The following ZNF729 variants were observed in gnomAD, a reference collection of about 807,000 sequenced individuals.
The protein encoded by ZNF729 is zinc finger protein 729.
A neutral mutation model predicts 12.2 loss-of-function variants in ZNF729; 15 were observed. The ratio of observed to expected loss-of-function variants is 1.23; its 90% CI spans 0.82 to 1.89. The LOEUF is 1.89. Among genes scored for constraint, ZNF729 ranks in the 40% most tolerant of loss-of-function variants. ZNF729 has a pLI of 0.00. For missense variants in ZNF729, 1,540 were observed against 1,456.7 expected (o/e 1.06, Z -0.93); for synonymous variants, 492 against 476.3 (o/e 1.03, Z -0.43).
Position 22,314,833 on chromosome 19 carries a change from C to T in ZNF729, c.1416C>T (p.Ser472=). 3 of 1,612,676 alleles carry T rather than the reference C, an allele frequency of 1.9e-6. No individual in the cohort carries two copies. Among genetic ancestry groups the T allele is most frequent in the Non-Finnish European group, 2.5e-6 (3 of 1,179,702 alleles). Residue 472 remains serine, a synonymous_variant, in exon 4 of 4, where the codon TCC becomes TCT. Transcript: ENST00000601693. ...AATGTGGCAAAGCTTTTAGGCAATC[C>T]TCACACCTTACTAGACATAAAGCAA... ...CEECGKAFRQ[S]SHLTRHKAIH...
chr19:22,296,184 A>C (rs1410164857), intron 1 of ZNF729, among the ~76,000 whole-genome samples: 1 of 152,148 alleles, frequency 6.6e-6, no homozygotes, highest in Non-Finnish European at 1.5e-5. Context: ...ATTTTGGAAT[A>C]GTTTTAGTAG....
intron 1 of ZNF729, among the ~76,000 whole-genome samples, chr19:22,292,661 G>C (rs1968171014): frequency 6.6e-6 from 1 of 151,952 alleles, no homozygotes; most frequent in African/African-American, 2.4e-5. Context: ...GGCCTGTCTT[G>C]AACTCCTGAG....
At chr19:22,308,242 A>C (rs1968409311) in intron 3 of ZNF729, among the ~76,000 whole-genome samples, 1 of 152,036 alleles carries the variant, frequency 6.6e-6, no homozygotes, top group Non-Finnish European at 1.5e-5. Flanking sequence ...ATATAATCTC[A>C]CAGTTTCTTT....
At chr19:22,300,949 A>G (rs1665263215) in intron 1 of ZNF729, among the ~76,000 whole-genome samples, 1 of 152,208 alleles carries the variant, frequency 6.6e-6, no homozygotes, top group African/African-American at 2.4e-5. Context: ...GAGAAAAAAG[A>G]AAAACTTTCT....
chr19:22,297,464 G>A (rs933193195), intron 1 of ZNF729, among the ~76,000 whole-genome samples: 1 of 151,546 alleles, frequency 6.6e-6, no homozygotes, highest in Non-Finnish European at 1.5e-5. Context: ...TCTCCTATAG[G>A]AAAATAAGAA....
At chr19:22,309,223 G>A (rs1968421115) in intron 3 of ZNF729, among the ~76,000 whole-genome samples, 1 of 152,092 alleles carries the variant, frequency 6.6e-6, no homozygotes. Context: ...GACATAGGTG[G>A]ATCACGAGGT....
In ZNF729 at chr19:22,314,667, C is replaced by G; in HGVS notation, c.1250C>G (p.Ser417Ter). ...EECGKAFSQF[S>*]TLKKHKIIHT... ...TGTGGCAAAGCTTTTAGCCAGTTCTCAACCCTTAAAAAACATAAGATAATT... is the reference window on the plus strand; with the variant it reads ...TGTGGCAAAGCTTTTAGCCAGTTCTGAACCCTTAAAAAACATAAGATAATT... Residue 417 changes from serine to a stop codon, truncating the protein, a stop_gained, in exon 4 of 4, where the codon TCA becomes TGA. Coordinates refer to ENST00000601693, the MANE Select transcript of ZNF729 (RefSeq NM_001242680.2). LOFTEE classifies it low-confidence loss of function (END_TRUNC). 1 of 1,612,666 alleles carries G rather than the reference C, an allele frequency of 6.2e-7. No individual in the cohort carries two copies. Among genetic ancestry groups the G allele is most frequent in the South Asian group, 1.1e-5 (1 of 91,060 alleles).
At position 22,313,762 on chromosome 19, in the gene ZNF729, T is replaced by A. The variant is rs187587714; in HGVS notation, c.345T>A (p.Cys115Ter). 500 of 1,597,524 alleles carry A rather than the reference T, an allele frequency of 3.1e-4. 2 individuals carry two copies. The highest frequency in any genetic ancestry group is 2.0e-5 in the Non-Finnish European group (24 of 1,173,012). The change falls in exon 4 of 4, where the codon TGT becomes TGA. Residue 115 changes from cysteine to a stop codon, truncating the protein, a stop_gained. Transcript: ENST00000601693. LOFTEE classifies it low-confidence loss of function (END_TRUNC). ...TAATACTGAGAACATATGCAAGATG[T>A]GGACATAAGAATTTACGATTAAGAA... The part of the protein sequence containing the change: ...QEVILRTYAR[C>*]GHKNLRLRKD...
intron 1 of ZNF729, among the ~76,000 whole-genome samples, chr19:22,290,043 CACTT>C (rs1275407838): frequency 1.3e-5 from 2 of 152,154 alleles, no homozygotes; most frequent in Non-Finnish European, 2.9e-5. Flanking sequence ...ATTTTTCAAA[CACTT>C]ACTTTCAAAA....
rs780111364 is a variant in ZNF729, at chr19:22,316,023, A to G, written c.2606A>G (p.Lys869Arg). ...TTTAGCCAATCCTCATCCCTTAGAA[A>G]ACATGAGATAATTCATAGTGGAGAG... ...KAFSQSSSLR[K>R]HEIIHSGEKP... Residue 869 changes from lysine (K) to arginine (R), a missense_variant, in exon 4 of 4, where the codon AAA becomes AGA. Lys to Arg is a conservative substitution (Grantham distance 26, BLOSUM62 2). Transcript: ENST00000601693. The G allele has an allele frequency of 6.2e-6, 10 of 1,610,864 alleles. No homozygotes were observed. The highest frequency in any genetic ancestry group is 8.5e-6 in the Non-Finnish European group (10 of 1,179,662).
intron 1 of ZNF729, among the ~76,000 whole-genome samples, chr19:22,292,035 G>A (rs968797138): frequency 1.3e-4 from 20 of 151,984 alleles, no homozygotes; most frequent in African/African-American, 4.6e-4. Flanking sequence ...CCCAGCCAGC[G>A]AGTTTTTTGT....
At chr19:22,313,564 T>C in intron 3 of ZNF729, 107 bp from the exon 4 acceptor site, 1 of 1,001,838 alleles carries the variant, frequency 1.0e-6, no homozygotes, top group Non-Finnish European at 1.4e-6. Flanking sequence ...CTGTCTTATT[T>C]TGCTGTGCCA....
At chr19:22,303,651 G>A (rs1968343597) in intron 1 of ZNF729, 107 bp from the exon 2 acceptor site, 2 of 1,098,740 alleles carry the variant, frequency 1.8e-6, no homozygotes, top group African/African-American at 3.3e-5. Flanking sequence ...ATCCCTATAA[G>A]TTAGAATCTG....
In ZNF729 at chr19:22,295,742, A is replaced by G. The variant is rs112875406; in HGVS notation, c.31-8016A>G. ...AGATAAACGCTTTCAGCTTGTATCCATTCAGTATGTTTACTTTGGGCTTGT... is the reference window on the plus strand; with the variant it reads ...AGATAAACGCTTTCAGCTTGTATCCGTTCAGTATGTTTACTTTGGGCTTGT... On this transcript the variant is annotated intron_variant, in intron 1 of 3. Transcript: ENST00000601693. 3.0e-3 allele frequency among the ~76,000 whole-genome samples: 452 copies of G among 152,294 alleles called. 4 individuals are homozygous for G. Among genetic ancestry groups the G allele is most frequent in the African/African-American group, 0.011 (440 of 41,562 alleles).
intron 1 of ZNF729, among the ~76,000 whole-genome samples, chr19:22,301,790 C>T (rs886941388): frequency 2.6e-5 from 4 of 152,312 alleles, no homozygotes; most frequent in Non-Finnish European, 5.9e-5. Flanking sequence ...GTAACCAGAG[C>T]CATGACTACA....
chr19:22,311,361 T>C (rs544686733), intron 3 of ZNF729, among the ~76,000 whole-genome samples: 1 of 152,340 alleles, frequency 6.6e-6, no homozygotes, highest in South Asian at 2.1e-4. Context: ...CCGCCTTTGC[T>C]GTATCCTAGA....
intron 2 of ZNF729, among the ~76,000 whole-genome samples, 195 bp downstream of exon 2, chr19:22,304,079 C>T (rs1406033673): frequency 1.4e-5 from 2 of 138,130 alleles, no homozygotes; most frequent in East Asian, 2.2e-4. Context: ...ACTCTTGTTG[C>T]CTAGGCTGGA....
chr19:22,298,665 C>G (rs1363901880), intron 1 of ZNF729, among the ~76,000 whole-genome samples: 1 of 152,120 alleles, frequency 6.6e-6, no homozygotes, highest in Non-Finnish European at 1.5e-5. Flanking sequence ...AGACACCCAC[C>G]ACCATGCCTG....
At chr19:22,302,863 C>G (rs1272197485) in intron 1 of ZNF729, among the ~76,000 whole-genome samples, 2 of 136,246 alleles carry the variant, frequency 1.5e-5, no homozygotes, top group African/African-American at 5.5e-5. Context: ...AATCTCAGCT[C>G]ACTGCAACCT....
Sources: gnomAD v4.1 joint callset for allele counts (sites outside exome capture counted in the v4.1 genomes callset) on GRCh38, gnomAD v4.1.1 for gene constraint, MANE v1.5 for transcripts, NCBI Gene and HGNC (gene_info 2026-07-23, HGNC 2026-07-21) for gene names.